Variants in ARHGAP22 observed in about 807,000 individuals in gnomAD.
ARHGAP22 encodes Rho GTPase activating protein 22, also known as rho GTPase-activating protein 22.
In ARHGAP22, 48 loss-of-function variants were observed where a neutral mutation model predicts 59.1. That is an observed-to-expected ratio of 0.81 (90% CI 0.64 to 1.03). The LOEUF is 1.03. Among genes scored for constraint, ARHGAP22 ranks in the 50% least tolerant of loss-of-function variants. The pLI, the probability that ARHGAP22 is intolerant of heterozygous loss-of-function variation, is 0.00. For synonymous variants in ARHGAP22, 445 were observed against 416.4 expected (o/e 1.07, Z -0.84); for missense variants, 1,015 against 958.7 (o/e 1.06, Z -0.78).
chr10:48,508,285 C>T (rs1481512805), intron 3 of ARHGAP22, among the ~76,000 whole-genome samples: 1 of 152,212 alleles, frequency 6.6e-6, no homozygotes, highest in Non-Finnish European at 1.5e-5. Context: ...GCTCAGGTAG[C>T]GGCCATGTGT....
At chr10:48,545,501 C>A (rs1017737487) in intron 3 of ARHGAP22, among the ~76,000 whole-genome samples, 1 of 152,320 alleles carries the variant, frequency 6.6e-6, no homozygotes. Context: ...CATCATCTGG[C>A]GCTCTGCAGA....
At chr10:48,450,138 C>T (rs2045756611) in intron 9 of ARHGAP22, 123 bp downstream of exon 9, 7 of 1,383,090 alleles carry the variant, frequency 5.1e-6, no homozygotes, top group Admixed American at 2.5e-5. Flanking sequence ...GGATTCCCCT[C>T]TCTGAGGCTG....
chr10:48,529,592 C>T (rs4012792), intron 3 of ARHGAP22, among the ~76,000 whole-genome samples: 132,389 of 152,162 alleles, frequency 0.87, 58,213 homozygotes, highest in Non-Finnish European at 0.91. Context: ...AGCAACCACA[C>T]TGACTTCCAG....
exon 1 of ARHGAP22, chr10:48,652,506 G>A (rs548912881): frequency 4.0e-4 from 230 of 577,090 alleles, no homozygotes; most frequent in African/African-American, 3.9e-3. Flanking sequence ...TGCATCTAGG[G>A]ATCTTGGAAT....
At chr10:48,602,631 TC>T (rs2060451997) in intron 1 of ARHGAP22, among the ~76,000 whole-genome samples, 1 of 152,112 alleles carries the variant, frequency 6.6e-6, no homozygotes. Flanking sequence ...CAGCTATTCA[TC>T]CACTCACTCA....
At chr10:48,509,227 C>A (rs1475575793) in intron 3 of ARHGAP22, among the ~76,000 whole-genome samples, 1 of 152,160 alleles carries the variant, frequency 6.6e-6, no homozygotes, top group African/African-American at 2.4e-5. Context: ...AGCTGGCGAG[C>A]CTGGCGCAGG....
chr10:48,633,297 C>T (rs952707313), intron 1 of ARHGAP22, among the ~76,000 whole-genome samples: 1 of 152,204 alleles, frequency 6.6e-6, no homozygotes, highest in Admixed American at 6.5e-5. Flanking sequence ...CTGAGGTTTG[C>T]AGTGACTGCA....
intron 3 of ARHGAP22, among the ~76,000 whole-genome samples, chr10:48,492,738 G>C (rs2134243170): frequency 6.6e-6 from 1 of 152,090 alleles, no homozygotes; most frequent in East Asian, 1.9e-4. Flanking sequence ...ATTTTTAGTA[G>C]AGATGGGGTT....
intron 2 of ARHGAP22, among the ~76,000 whole-genome samples, chr10:48,567,216 C>T (rs1867589): frequency 0.52 from 78,343 of 152,090 alleles, 22,645 homozygotes; most frequent in Admixed American, 0.64. Flanking sequence ...TATTCCTGAG[C>T]CCTGCAGAAG....
chr10:48,478,642 C>T (rs922514953), intron 4 of ARHGAP22, among the ~76,000 whole-genome samples: 2 of 152,218 alleles, frequency 1.3e-5, no homozygotes, highest in African/African-American at 2.4e-5. Context: ...GCCCTGGCCC[C>T]AATGCCATGG....
chr10:48,520,366 C>T (rs1346805863), intron 3 of ARHGAP22, among the ~76,000 whole-genome samples: 2 of 152,200 alleles, frequency 1.3e-5, no homozygotes, highest in Non-Finnish European at 2.9e-5. Flanking sequence ...AGCCACAGTC[C>T]TCAGGCAGCC....
rs964142703 is a variant in ARHGAP22 at position 48,511,152 on chromosome 10, T to C, written c.323-31388A>G. 2.6e-5 allele frequency among the ~76,000 whole-genome samples: 4 copies of C among 152,314 alleles called. No homozygotes were observed. In the South Asian group the frequency reaches 8.3e-4, roughly 32 times the overall value. On this transcript the variant is annotated intron_variant, in intron 3 of 9. Transcript: ENST00000249601. ...ACCTCACCAAGTTAGAAGGTGCTGGTGTCTACAAAGGACCTTGGTTGCCCT... is the reference window on the plus strand; with the variant it reads ...ACCTCACCAAGTTAGAAGGTGCTGGCGTCTACAAAGGACCTTGGTTGCCCT...
chr10:48,646,472 C>A (rs2062302405), intron 1 of ARHGAP22, among the ~76,000 whole-genome samples: 1 of 152,160 alleles, frequency 6.6e-6, no homozygotes, highest in African/African-American at 2.4e-5. Flanking sequence ...GGTATAGGCA[C>A]AAGGATAGGT....
intron 1 of ARHGAP22, among the ~76,000 whole-genome samples, chr10:48,593,006 G>A (rs1308163115): frequency 2.0e-5 from 3 of 152,312 alleles, no homozygotes; most frequent in South Asian, 2.1e-4. Flanking sequence ...CCGGCCACAC[G>A]GCCTCTCGGC....
At chr10:48,463,001 A>T (rs1474544008) in intron 4 of ARHGAP22, among the ~76,000 whole-genome samples, 1 of 152,248 alleles carries the variant, frequency 6.6e-6, no homozygotes, top group Non-Finnish European at 1.5e-5. Flanking sequence ...AGGTCCACAG[A>T]TGTGCCTGTT....
chr10:48,499,960 T>G (rs2051335272), intron 3 of ARHGAP22, among the ~76,000 whole-genome samples: 1 of 152,342 alleles, frequency 6.6e-6, no homozygotes, highest in South Asian at 2.1e-4. Context: ...GATAAGTTGA[T>G]TCTTAAGGTT....
chr10:48,454,276 C>T, intron 6 of ARHGAP22, 115 bp from the exon 7 acceptor site: 1 of 945,324 alleles, frequency 1.1e-6, no homozygotes, highest in Non-Finnish European at 1.7e-6. Flanking sequence ...AGCCCAGCCC[C>T]AACAGACCAG....
intron 1 of ARHGAP22, among the ~76,000 whole-genome samples, chr10:48,601,455 TC>T (rs2060378034): frequency 1.3e-5 from 2 of 152,234 alleles, no homozygotes; most frequent in African/African-American, 4.8e-5. Flanking sequence ...TGTCATTGGT[TC>T]TTTTGGTATT....
At chr10:48,551,777 T>C (rs1465093603) in intron 3 of ARHGAP22, among the ~76,000 whole-genome samples, 2 of 152,248 alleles carry the variant, frequency 1.3e-5, no homozygotes, top group African/African-American at 4.8e-5. Context: ...GTGCAGGTTC[T>C]CAGGTGCTTT....
Sources: gnomAD v4.1 joint callset for allele counts (sites outside exome capture counted in the v4.1 genomes callset) on GRCh38, gnomAD v4.1.1 for gene constraint, MANE v1.5 for transcripts, NCBI Gene and HGNC (gene_info 2026-07-23, HGNC 2026-07-21) for gene names.